Variants in GDPD5 observed in about 807,000 individuals in gnomAD.
GDPD5 encodes the protein glycerophosphodiester phosphodiesterase 2.
Under a neutral mutation model 75.1 loss-of-function variants are expected in GDPD5, and 48 were observed. That is an observed-to-expected ratio of 0.64 (90% CI 0.51 to 0.81). GDPD5 has a LOEUF of 0.81. Ranked by LOEUF, GDPD5 falls within the 40% of genes least tolerant of loss-of-function variation. GDPD5 has a pLI of 0.00. For missense variants in GDPD5, 706 were observed against 822.6 expected, an observed-to-expected ratio of 0.86 and a Z score of 1.73; for synonymous variants, 336 against 339.0, an observed-to-expected ratio of 0.99 and a Z score of 0.10.
At chr11:75,478,198 G>A (rs1949821577) in intron 2 of GDPD5, among the ~76,000 whole-genome samples, 1 of 152,148 alleles carries the variant, frequency 6.6e-6, no homozygotes, top group Admixed American at 6.5e-5. Flanking sequence ...CACCCAGGCT[G>A]GAGTGCTGTG....
At chr11:75,451,594 G>A (rs1949155087) in intron 6 of GDPD5, 1 of 152,256 alleles carries the variant, frequency 6.6e-6, no homozygotes, top group Non-Finnish European at 1.5e-5. Context: ...CCGAACCCCT[G>A]AGAACCCCGC....
At chr11:75,524,583 G>C (rs752042739) in intron 1 of GDPD5, among the ~76,000 whole-genome samples, 13 of 152,218 alleles carry the variant, frequency 8.5e-5, no homozygotes, top group Non-Finnish European at 8.8e-5. Context: ...AGCTCTGACA[G>C]ACCCTTACTT....
chr11:75,484,351 C>T (rs1385297317), intron 2 of GDPD5, among the ~76,000 whole-genome samples: 2 of 152,180 alleles, frequency 1.3e-5, no homozygotes, highest in Non-Finnish European at 2.9e-5. Context: ...AGCAGCTGCA[C>T]CAGAGGGGAC....
In GDPD5 at chr11:75,445,868, C is replaced by G. The variant is rs186885660; in HGVS notation, c.715-1373G>C. Among the ~76,000 whole-genome samples the G allele has an allele frequency of 4.4e-4, 67 of 152,320 alleles. 1 individual carries two copies. The highest frequency in any genetic ancestry group is 7.9e-4 in the Non-Finnish European group (54 of 68,028). ...AAATGGGCTAACATTATCAACCTCA[C>G]AGGTGAGATAACAAAAGTCACAGAC... On this transcript the variant is annotated intron_variant, in intron 9 of 16. Transcript: ENST00000336898.
At chr11:75,499,769 C>T (rs1342678097) in intron 1 of GDPD5, among the ~76,000 whole-genome samples, 19 of 152,162 alleles carry the variant, frequency 1.2e-4, no homozygotes, top group Admixed American at 1.2e-3. Flanking sequence ...TCTTTGGAAG[C>T]AGGCCATCCA....
rs547231669 is a variant in GDPD5 at position 75,443,977 on chromosome 11, C to T, written c.797+436G>A. 7.2e-5 allele frequency among the ~76,000 whole-genome samples: 11 copies of T among 152,376 alleles called. No homozygotes were observed. In the South Asian group the frequency reaches 2.3e-3, roughly 32 times the overall value. The stretch of plus-strand genomic sequence containing the variant: ...ATGACAGTTCTGCCCTTCTTCCCTT[C>T]TCAGATAACCTCTGTTATGAGATTA... On this transcript the variant is annotated intron_variant, in intron 10 of 16. Coordinates refer to ENST00000336898, the MANE Select transcript of GDPD5 (RefSeq NM_030792.8).
At chr11:75,461,994 G>T (rs1330356328) in intron 4 of GDPD5, among the ~76,000 whole-genome samples, 2 of 152,334 alleles carry the variant, frequency 1.3e-5, no homozygotes, top group South Asian at 2.1e-4. Context: ...CAGGTAAGTG[G>T]CTCAGACGGC....
At chr11:75,481,395 A>C (rs1412022926) in intron 2 of GDPD5, among the ~76,000 whole-genome samples, 1 of 152,194 alleles carries the variant, frequency 6.6e-6, no homozygotes, top group Non-Finnish European at 1.5e-5. Flanking sequence ...CTTGCTGGGA[A>C]TACTGAATGA....
intron 3 of GDPD5, among the ~76,000 whole-genome samples, chr11:75,464,853 A>G (rs77558709): frequency 5.3e-4 from 80 of 152,170 alleles, no homozygotes; most frequent in African/African-American, 1.9e-3. Context: ...TTCTAGAGCA[A>G]TCGAACCCTA....
chr11:75,458,813 G>A (rs752277667), intron 4 of GDPD5, among the ~76,000 whole-genome samples: 1 of 152,158 alleles, frequency 6.6e-6, no homozygotes, highest in Non-Finnish European at 1.5e-5. Flanking sequence ...TTGAGACAGG[G>A]TCTCTGTCAC....
intron 3 of GDPD5, among the ~76,000 whole-genome samples, chr11:75,467,644 A>G (rs2135322036): frequency 6.6e-6 from 1 of 152,140 alleles, no homozygotes; most frequent in Admixed American, 6.5e-5. Flanking sequence ...GGGACCAGAC[A>G]GGGCGAGCAG....
chr11:75,522,769 C>T (rs1169215087), intron 1 of GDPD5, among the ~76,000 whole-genome samples: 1 of 152,146 alleles, frequency 6.6e-6, no homozygotes, highest in Admixed American at 6.5e-5. Flanking sequence ...CTGAGCCTGC[C>T]CCCAGCTGAG....
At chr11:75,451,424 G>GA (rs1592077477) in intron 6 of GDPD5, 1 of 152,296 alleles carries the variant, frequency 6.6e-6, no homozygotes, top group Non-Finnish European at 1.5e-5. Context: ...GAGGTTCGGG[G>GA]AGAGGAACAG....
chr11:75,475,786 G>C (rs544917156), intron 3 of GDPD5, among the ~76,000 whole-genome samples: 107 of 152,266 alleles, frequency 7.0e-4, no homozygotes, highest in Non-Finnish European at 1.2e-3. Flanking sequence ...TCCTAGCCTA[G>C]CTCATGGCCC....
In GDPD5 at chr11:75,449,921, C is replaced by G; in HGVS notation, c.438G>C (p.Trp146Cys). The G allele has an allele frequency of 6.2e-7, 1 of 1,613,834 alleles. No individual in the cohort carries two copies. Among genetic ancestry groups the G allele is most frequent in the Non-Finnish European group, 8.5e-7 (1 of 1,180,030 alleles). Residue 146 changes from tryptophan to cysteine, a missense_variant, in exon 7 of 17, where the codon TGG (tryptophan) becomes TGC (cysteine). Trp to Cys is a radical substitution (Grantham distance 215). Transcript: ENST00000336898. ...TCAGCAGCACCTCCCACTCGTCCTC[C>G]CACAGCTGGGCCACGGCCGACATGG... is the stretch of plus-strand genomic sequence containing the variant. ...VVAMSAVAQLWEDEWEVLLIS... is the reference protein window; with the variant it reads ...VVAMSAVAQLCEDEWEVLLIS...
intron 3 of GDPD5, among the ~76,000 whole-genome samples, chr11:75,469,437 A>T (rs1187149699): frequency 6.6e-6 from 1 of 152,242 alleles, no homozygotes; most frequent in Non-Finnish European, 1.5e-5. Context: ...AAAGTCACAA[A>T]GGGCACACAT....
chr11:75,516,784 A>C (rs1250473127), intron 1 of GDPD5, among the ~76,000 whole-genome samples: 8 of 152,224 alleles, frequency 5.3e-5, no homozygotes, highest in Admixed American at 4.6e-4. Flanking sequence ...ATTTTATAGG[A>C]GAAACAACTC....
At chr11:75,464,531 G>A (rs1487314887) in intron 3 of GDPD5, among the ~76,000 whole-genome samples, 1 of 152,174 alleles carries the variant, frequency 6.6e-6, no homozygotes, top group Non-Finnish European at 1.5e-5. Flanking sequence ...CCTGTCCCAG[G>A]TGGGTCACTT....
intron 1 of GDPD5, among the ~76,000 whole-genome samples, chr11:75,515,309 T>C (rs1950614188): frequency 6.6e-6 from 1 of 152,212 alleles, no homozygotes; most frequent in Non-Finnish European, 1.5e-5. Context: ...AAGTGTCATA[T>C]CTTCTGTCCT....
Sources: gnomAD v4.1 joint callset for allele counts (sites outside exome capture counted in the v4.1 genomes callset) on GRCh38, gnomAD v4.1.1 for gene constraint, MANE v1.5 for transcripts, NCBI Gene and HGNC (gene_info 2026-07-23, HGNC 2026-07-21) for gene names.